Variants in ALG9 observed in about 807,000 individuals in gnomAD.
ALG9 encodes the protein alpha-1,2-mannosyltransferase ALG9.
In ALG9, 55 loss-of-function variants were observed where a neutral mutation model predicts 81.8. The ratio of observed to expected loss-of-function variants is 0.67; its 90% CI spans 0.54 to 0.84. The LOEUF (loss-of-function observed/expected upper bound fraction) is 0.84. Among genes scored for constraint, ALG9 ranks in the 40% least tolerant of loss-of-function variants. ALG9 has a pLI of 0.00. For missense variants in ALG9, 629 were observed against 745.0 expected (o/e 0.84, Z 1.81); for synonymous variants, 278 against 274.3 (o/e 1.01, Z -0.13).
At position 111,855,544 on chromosome 11, in the gene ALG9, G is replaced by A. The variant is rs568276482; in HGVS notation, c.702-1808C>T. Among the ~76,000 whole-genome samples, 147 of 152,292 alleles carry A rather than the reference G, an allele frequency of 9.7e-4. 1 individual carries two copies. The highest frequency in any genetic ancestry group is 3.4e-3 in the African/African-American group (143 of 41,562). Reference sequence around the variant, plus strand: ...GAGATACAACCAATTAACACTGATGGGAAAGAGAGAAGAGTCACAGACAAT... The same window carrying A: ...GAGATACAACCAATTAACACTGATGAGAAAGAGAGAAGAGTCACAGACAAT... On this transcript the variant is annotated intron_variant, in intron 6 of 14. Transcript: ENST00000616540.
chr11:111,864,293 G>A (rs2137204427), intron 4 of ALG9: 1 of 1,113,656 alleles, frequency 9.0e-7, no homozygotes, highest in South Asian at 1.3e-5. Context: ...GAAGAAAGTG[G>A]TTCAACAGCC....
At chr11:111,845,059 C>T (rs782631990) in intron 8 of ALG9, 10 of 267,916 alleles carry the variant, frequency 3.7e-5, no homozygotes, top group Non-Finnish European at 6.7e-5. Flanking sequence ...CGCTTTAGAG[C>T]CACATAGGGC....
At chr11:111,797,591 G>A (rs1948491888) in intron 14 of ALG9, among the ~76,000 whole-genome samples, 1 of 152,226 alleles carries the variant, frequency 6.6e-6, no homozygotes, top group African/African-American at 2.4e-5. Context: ...GCAATAGCTG[G>A]AACAAATGCT....
chr11:111,831,992 A>C (rs1555113695), intron 13 of ALG9, among the ~76,000 whole-genome samples: 1 of 152,256 alleles, frequency 6.6e-6, no homozygotes, highest in African/African-American at 2.4e-5. Context: ...ACTCAGTGGA[A>C]CCAATCAGCA....
rs11214011 is a variant in ALG9 at position 111,819,806 on chromosome 11, A to G, written c.1603-10033T>C. On this transcript the variant is annotated intron_variant, in intron 13 of 14. Coordinates refer to ENST00000616540, the MANE Select transcript of ALG9 (RefSeq NM_024740.2). ...TAAGCTCTGTGAAGGCAAGAACTGA[A>G]TCTGTCTTTATAAGCACAATACACC... Among the ~76,000 whole-genome samples the G allele has an allele frequency of 8.1e-4, 123 of 152,324 alleles. 3 individuals carry two copies. In the East Asian group the frequency reaches 0.021, roughly 26 times the overall value.
At chr11:111,788,404 C>T (rs998596220) in intron 14 of ALG9, 6 of 453,760 alleles carry the variant, frequency 1.3e-5, no homozygotes, top group African/African-American at 1.2e-4. Flanking sequence ...AAGCAGGGCT[C>T]CTATAAATAA....
chr11:111,871,493 G>A lies in ALG9; in HGVS notation c.-11C>T, dbSNP rs1057523610. On this transcript the variant is annotated 5_prime_UTR_variant, in exon 1 of 15. Transcript: ENST00000616540. ...CCCTCGACTAGCCATGGCAAGCCTG[G>A]GGAAAAAAGAATTCGGCACCCTATG... 19 of 1,536,290 alleles carry A rather than the reference G, an allele frequency of 1.2e-5. No individual in the cohort carries two copies. Among genetic ancestry groups the A allele is most frequent in the Non-Finnish European group, 1.5e-5 (17 of 1,146,618 alleles).
At chr11:111,780,713 TATGGTCTAATCCATGCC>T (rs554110520), downstream of ALG9, among the ~76,000 whole-genome samples, 996 of 152,332 alleles carry the variant, frequency 6.5e-3, 5 homozygotes, top group Middle Eastern at 0.048. Context: ...CCATATTTTC[TATGGTCTAATCCATGCC>T]AAGTTGAGAG....
chr11:111,850,344 ACTC>A (rs1421656040), intron 8 of ALG9, among the ~76,000 whole-genome samples: 2 of 151,986 alleles, frequency 1.3e-5, no homozygotes, highest in Non-Finnish European at 2.9e-5. Flanking sequence ...AGGAATTCCT[ACTC>A]CTAAGATGGA....
chr11:111,866,824 T>G (rs1406120254), intron 3 of ALG9, among the ~76,000 whole-genome samples: 1 of 150,518 alleles, frequency 6.6e-6, no homozygotes, highest in Non-Finnish European at 1.5e-5. Context: ...CCAGGTGCAG[T>G]GGCTCACGCC....
At position 111,853,458 on chromosome 11, in the gene ALG9, A is replaced by G. The variant is rs1958148572; in HGVS notation, c.817T>C (p.Tyr273His). ...GGTGCAATCACCAACTTCCCATAAT[A>G]GTAGCTGTCAATGACCACCACAGGC... ...LVPVVVIDSY[Y>H]YGKLVIAPLN... Residue 273 changes from tyrosine (Y) to histidine (H), a missense_variant, in exon 8 of 15, where the codon TAT (tyrosine) becomes CAT (histidine). By Grantham distance (83) the Tyr-to-His change is moderately conservative. Coordinates refer to ENST00000616540, the MANE Select transcript of ALG9 (RefSeq NM_024740.2). The G allele has an allele frequency of 6.2e-7, 1 of 1,614,084 alleles. No individual in the cohort carries two copies. The highest frequency in any genetic ancestry group is 1.3e-5 in the African/African-American group (1 of 75,044).
At chr11:111,801,650 C>T (rs1051394065) in intron 14 of ALG9, among the ~76,000 whole-genome samples, 2 of 152,176 alleles carry the variant, frequency 1.3e-5, no homozygotes, top group Non-Finnish European at 2.9e-5. Context: ...ATTCACAGGT[C>T]TGCAAACCTC....
chr11:111,862,239 CTTT>C (rs782528613), intron 4 of ALG9, among the ~76,000 whole-genome samples: 3 of 131,380 alleles, frequency 2.3e-5, no homozygotes, highest in Admixed American at 7.6e-5. Context: ...TCTTTTTTTT[CTTT>C]TTTTTTTTTT....
chr11:111,857,038 C>T (rs1361909654), intron 6 of ALG9, among the ~76,000 whole-genome samples: 4 of 152,072 alleles, frequency 2.6e-5, no homozygotes, highest in Admixed American at 1.3e-4. Context: ...ACCCAGGAGG[C>T]GGAGGTTGTG....
At chr11:111,797,907 T>C (rs775866730) in intron 14 of ALG9, among the ~76,000 whole-genome samples, 30 of 152,108 alleles carry the variant, frequency 2.0e-4, no homozygotes, top group Non-Finnish European at 4.4e-4. Context: ...ATCAGCACAG[T>C]CCCCAACTTG....
chr11:111,868,213 T>C (rs1963111878), intron 3 of ALG9, among the ~76,000 whole-genome samples: 1 of 152,178 alleles, frequency 6.6e-6, no homozygotes. Context: ...TGAAAACTAA[T>C]CAGGTTAGGT....
At chr11:111,788,913 A>C (rs1946910907) in intron 14 of ALG9, among the ~76,000 whole-genome samples, 1 of 152,214 alleles carries the variant, frequency 6.6e-6, no homozygotes, top group South Asian at 2.1e-4. Flanking sequence ...TCTACAATAA[A>C]AGCTTCATTA....
the ALG9 span, among the ~76,000 whole-genome samples, chr11:111,774,954 TAAAAG>T: frequency 1.8e-4 from 28 of 151,992 alleles, no homozygotes; most frequent in Non-Finnish European, 4.4e-5. Flanking sequence ...TGTCGTTTTT[TAAAAG>T]AAAAAAAATA....
the ALG9 span, among the ~76,000 whole-genome samples, chr11:111,769,786 CA>C: frequency 2.0e-5 from 3 of 152,080 alleles, no homozygotes; most frequent in Non-Finnish European, 4.4e-5. Flanking sequence ...GTTTAAAATA[CA>C]AATATGCTTT....
Sources: allele counts gnomAD v4.1 joint callset (sites outside exome capture counted in the v4.1 genomes callset), GRCh38; gene constraint gnomAD v4.1.1; transcripts MANE v1.5; gene names NCBI Gene and HGNC (gene_info 2026-07-23, HGNC 2026-07-21).